The following UBA6 variants were observed in gnomAD, a reference collection of about 807,000 sequenced individuals.
The protein encoded by UBA6 is ubiquitin like modifier activating enzyme 6, also known as ubiquitin-like modifier-activating enzyme 6.
Under a neutral mutation model 148.3 loss-of-function variants are expected in UBA6, and 87 were observed. The ratio of observed to expected loss-of-function variants is 0.59; its 90% confidence interval spans 0.49 to 0.70. UBA6 has a LOEUF of 0.70. UBA6 is among the 30% of genes least tolerant of loss of function. The pLI is 0.00. For synonymous variants in UBA6, 376 were observed against 401.0 expected (o/e 0.94, Z 0.75); for missense variants, 1,186 against 1,241.2 (o/e 0.96, Z 0.67).
At position 67,648,195 on chromosome 4, in the gene UBA6, G is replaced by T. The variant is rs147033469; in HGVS notation, c.1248+873C>A. 3.1e-3 allele frequency among the ~76,000 whole-genome samples: 477 copies of T among 151,718 alleles called. 5 individuals carry two copies. The highest frequency in any genetic ancestry group is 0.015 in the Admixed American group (228 of 15,280). On this transcript the variant is annotated intron_variant, in intron 14 of 32. Coordinates refer to ENST00000322244, the MANE Select transcript of UBA6 (RefSeq NM_018227.6). Reference sequence around the variant, plus strand: ...TAAAATATAAAAAAATGAGCCGGGCGCAGTGGCTCACGCCTGTAATCCCAG... The same window carrying T: ...TAAAATATAAAAAAATGAGCCGGGCTCAGTGGCTCACGCCTGTAATCCCAG...
rs1219508528 is a variant in UBA6 at position 67,615,926 on chromosome 4, C to T, written c.*3071G>A. ...GCTGGTTGTGACTGGGAAGGAACTACATGTGTAATTTCTGAACTGCTGTCA... is the reference window on the plus strand; with the variant it reads ...GCTGGTTGTGACTGGGAAGGAACTATATGTGTAATTTCTGAACTGCTGTCA... On this transcript the variant is annotated 3_prime_UTR_variant, in exon 33 of 33. Coordinates refer to ENST00000322244, the MANE Select transcript of UBA6 (RefSeq NM_018227.6). 1 of 338,390 alleles carries T rather than the reference C, an allele frequency of 3.0e-6. No homozygotes were observed. The highest frequency in any genetic ancestry group is 5.3e-6 in the Non-Finnish European group (1 of 187,850). The allele number at this position is 338,390 out of a possible 1,614,324, so 21.0% of individuals were successfully genotyped here. A position where few individuals can be genotyped will look rare whatever the true frequency, so the allele number is the denominator to read the frequency against.
At chr4:67,670,634 GA>G (rs1308692970) in intron 7 of UBA6, 42 bp from the exon 8 acceptor site, 3 of 1,476,196 alleles carry the variant, frequency 2.0e-6, no homozygotes, top group East Asian at 2.3e-5. Context: ...TTTATATAAA[GA>G]AAAAAACACT....
chr4:67,632,456 C>T (rs987357313), intron 23 of UBA6, among the ~76,000 whole-genome samples: 3 of 151,990 alleles, frequency 2.0e-5, no homozygotes, highest in South Asian at 2.1e-4. Flanking sequence ...ACTATTTCCT[C>T]TACATTTCTA....
chr4:67,620,498 T>C (rs1728727607), intron 32 of UBA6, among the ~76,000 whole-genome samples: 2 of 151,696 alleles, frequency 1.3e-5, no homozygotes, highest in South Asian at 2.1e-4. Context: ...GTCTCAAGAG[T>C]TACAAGCAGA....
intron 27 of UBA6, among the ~76,000 whole-genome samples, chr4:67,627,647 T>C (rs1362446634): frequency 6.6e-6 from 1 of 151,884 alleles, no homozygotes; most frequent in African/African-American, 2.4e-5. Flanking sequence ...AAACATTGTG[T>C]TCTGCAAATC....
Position 67,619,109 on chromosome 4 carries a change from G to A in UBA6, c.3047C>T (p.Thr1016Ile). ...AAGATCCACATATTTCTTTTCAGTA[G>A]TAGGTTTTACAAGTTTATGCATTCT... is the stretch of plus-strand genomic sequence containing the variant. ...KLTMHKLVKP[T>I]TEKKYVDLTV... The change falls in exon 33 of 33, where the codon ACT (threonine) becomes ATT (isoleucine). Residue 1016 changes from threonine (T) to isoleucine (I), a missense_variant. Thr to Ile is a moderately conservative substitution (Grantham distance 89, BLOSUM62 -1). Transcript: ENST00000322244. 1 of 1,608,314 alleles carries A rather than the reference G, an allele frequency of 6.2e-7. No homozygotes were observed. Among genetic ancestry groups the A allele is most frequent in the Non-Finnish European group, 8.5e-7 (1 of 1,175,258 alleles).
At chr4:67,659,722 C>A (rs893158853) in intron 13 of UBA6, among the ~76,000 whole-genome samples, 2 of 90,332 alleles carry the variant, frequency 2.2e-5, no homozygotes, top group Non-Finnish European at 5.1e-5. Flanking sequence ...GATAAAGATA[C>A]CCAAAAGTGT....
chr4:67,615,757 A>T lies in UBA6; in HGVS notation c.*3240T>A, dbSNP rs906824627. ...TCTTGAACAAATGCAGCTACAAAAG[A>T]ATGTATGATTTTAAATAAAACTCAA... On this transcript the variant is annotated 3_prime_UTR_variant, in exon 33 of 33. Transcript: ENST00000322244. 1.7e-5 allele frequency: 3 copies of T among 179,806 alleles called. No individual in the cohort carries two copies. The highest frequency in any genetic ancestry group is 6.2e-5 in the Admixed American group (1 of 16,234). 11.1% of individuals were successfully genotyped at this position (179,806 alleles called of 1,614,324 possible). A position where few individuals can be genotyped will look rare whatever the true frequency, so the allele number is the denominator to read the frequency against.
At position 67,651,314 on chromosome 4, in the gene UBA6, G is replaced by T. The variant is rs139126293; in HGVS notation, c.1105-2103C>A. ...TGATCCATTCTACCCTTCCAGAAAA[G>T]AAAAGAAATACTTAAACAACATTTG... On this transcript the variant is annotated intron_variant, in intron 13 of 32. Transcript: ENST00000322244. 1.0e-3 allele frequency among the ~76,000 whole-genome samples: 157 copies of T among 152,130 alleles called. 1 individual carries two copies. Among genetic ancestry groups the T allele is most frequent in the African/African-American group, 3.7e-3 (152 of 41,534 alleles).
intron 14 of UBA6, among the ~76,000 whole-genome samples, chr4:67,647,435 T>C (rs1729445126): frequency 6.6e-6 from 1 of 152,104 alleles, no homozygotes; most frequent in Non-Finnish European, 1.5e-5. Flanking sequence ...CATGAGCCAC[T>C]GCGCCCAGTC....
intron 28 of UBA6, among the ~76,000 whole-genome samples, chr4:67,625,737 A>C (rs1728851980): frequency 6.6e-6 from 1 of 151,960 alleles, no homozygotes; most frequent in Non-Finnish European, 1.5e-5. Flanking sequence ...TTAAAATCTC[A>C]AAAGTTTGGA....
At chr4:67,622,529 G>C (rs529919886) in intron 32 of UBA6, among the ~76,000 whole-genome samples, 2 of 152,186 alleles carry the variant, frequency 1.3e-5, no homozygotes, top group Non-Finnish European at 2.9e-5. Context: ...AACAAAAATA[G>C]TGATTTGGCA....
chr4:67,701,038 C>G lies in UBA6; in HGVS notation c.71+11G>C, dbSNP rs753651076. On this transcript the variant is annotated intron_variant, in intron 1 of 32. Transcript: ENST00000322244. Reference sequence around the variant, plus strand: ...CGCGACCCCTCACCTTCGCCCTTCTCGTCCTCTCACCTGCCAGTCCCCCAG... The same window carrying G: ...CGCGACCCCTCACCTTCGCCCTTCTGGTCCTCTCACCTGCCAGTCCCCCAG... 2.5e-6 allele frequency: 4 copies of G among 1,613,708 alleles called. No homozygotes were observed. In the South Asian group the frequency reaches 3.3e-5, roughly 13 times the overall value.
At chr4:67,633,001 A>G (rs1729036700) in intron 23 of UBA6, among the ~76,000 whole-genome samples, 1 of 151,992 alleles carries the variant, frequency 6.6e-6, no homozygotes. Flanking sequence ...GCTTTGTGTT[A>G]CCTCCTTTTA....
intron 1 of UBA6, 51 bp from the exon 2 acceptor site, chr4:67,696,758 T>G: frequency 6.9e-7 from 1 of 1,446,198 alleles, no homozygotes; most frequent in Non-Finnish European, 9.6e-7. Flanking sequence ...AATGTAATAT[T>G]TGATTACTTG....
intron 9 of UBA6, among the ~76,000 whole-genome samples, 188 bp downstream of exon 9, chr4:67,668,363 T>G (rs1381897282): frequency 1.3e-5 from 2 of 152,186 alleles, no homozygotes; most frequent in Admixed American, 1.3e-4. Context: ...AAGTTCAGTG[T>G]CCCCAGAATG....
chr4:67,674,078 G>A (rs1730218107), intron 6 of UBA6, among the ~76,000 whole-genome samples: 1 of 152,182 alleles, frequency 6.6e-6, no homozygotes, highest in Non-Finnish European at 1.5e-5. Flanking sequence ...TAAGTGATTA[G>A]ATTTGTTTCA....
chr4:67,696,816 T>C (rs1017293338), intron 1 of UBA6, 109 bp from the exon 2 acceptor site: 2 of 758,372 alleles, frequency 2.6e-6, no homozygotes, highest in African/African-American at 1.8e-5. Context: ...ACCAAACATA[T>C]ATTTTATTAA....
In UBA6 at chr4:67,645,021, A is replaced by C. The variant is rs546273233; in HGVS notation, c.1396-243T>G. On this transcript the variant is annotated intron_variant, in intron 16 of 32. Transcript: ENST00000322244. ...ATAAACACAATATAATGTTAATACA[A>C]CATTTAAAAAAAAGATTCCTCCCTT... 6.6e-5 allele frequency among the ~76,000 whole-genome samples: 10 copies of C among 152,338 alleles called. No homozygotes were observed. The South Asian group carries it at 2.1e-3, about 32-fold the overall frequency.
Sources: allele counts gnomAD v4.1 joint callset (sites outside exome capture counted in the v4.1 genomes callset), GRCh38; gene constraint gnomAD v4.1.1; transcripts MANE v1.5; gene names NCBI Gene and HGNC (gene_info 2026-07-23, HGNC 2026-07-21).